Variants in AOAH observed in about 807,000 individuals in gnomAD.
AOAH encodes acyloxyacyl hydrolase (neutrophil).
Under a neutral mutation model 92.2 loss-of-function variants are expected in AOAH, and 64 were observed. That is an observed-to-expected ratio of 0.69 (90% CI 0.57 to 0.86). The LOEUF (loss-of-function observed/expected upper bound fraction) is 0.86. AOAH is among the 40% of genes least tolerant of loss of function. The probability of loss-of-function intolerance (pLI) is 0.00; values close to 1 mark genes in which losing one functional copy is unlikely to be tolerated. For missense variants in AOAH, 656 were observed against 694.6 expected (o/e 0.94, Z 0.62); for synonymous variants, 263 against 254.5 (o/e 1.03, Z -0.32).
intron 11 of AOAH, among the ~76,000 whole-genome samples, chr7:36,604,035 T>C (rs189744229): frequency 6.6e-6 from 1 of 152,274 alleles, no homozygotes; most frequent in Non-Finnish European, 1.5e-5. Context: ...CAAATTTGGG[T>C]CTGGTGAAGG....
chr7:36,692,184 T>TA (rs1253723127), intron 1 of AOAH, among the ~76,000 whole-genome samples: 2 of 152,324 alleles, frequency 1.3e-5, no homozygotes, highest in East Asian at 3.9e-4. Context: ...ATACCACACA[T>TA]AAAATGCACA....
chr7:36,606,084 G>T (rs1232017583), intron 11 of AOAH, among the ~76,000 whole-genome samples: 7 of 152,190 alleles, frequency 4.6e-5, no homozygotes, highest in Admixed American at 2.6e-4. Flanking sequence ...GCACTATAAT[G>T]CTTAGATATT....
At position 36,620,767 on chromosome 7, in the gene AOAH, A is replaced by G; in HGVS notation, c.702+14T>C. ...CAAAGGAGAATGGGGTTCAAGCTGA[A>G]TTTAGTTGCTTACCCAAATGCCATT... On this transcript the variant is annotated intron_variant, in intron 9 of 20. Coordinates refer to ENST00000617537, the MANE Select transcript of AOAH (RefSeq NM_001637.4). 6.2e-7 allele frequency: 1 copy of G among 1,613,420 alleles called. No individual in the cohort carries two copies. Among genetic ancestry groups the G allele is most frequent in the Admixed American group, 1.7e-5 (1 of 59,982 alleles).
chr7:36,602,099 T>G (rs905773396), intron 11 of AOAH, among the ~76,000 whole-genome samples: 1 of 152,190 alleles, frequency 6.6e-6, no homozygotes, highest in Non-Finnish European at 1.5e-5. Flanking sequence ...CTTTCCTCTT[T>G]GACCCTCTGC....
chr7:36,540,586 GCACACACA>G, intron 15 of AOAH, 95 bp from the exon 16 acceptor site: 1 of 1,022,928 alleles, frequency 9.8e-7, no homozygotes, highest in Non-Finnish European at 1.4e-6. Flanking sequence ...ACACACATAC[GCACACACA>G]CACACACAGT....
chr7:36,718,892 AAATGC>A (rs1203380230), intron 1 of AOAH, among the ~76,000 whole-genome samples: 1 of 152,222 alleles, frequency 6.6e-6, no homozygotes, highest in Non-Finnish European at 1.5e-5. Flanking sequence ...TGAATATACT[AAATGC>A]CACTTTTACA....
chr7:36,552,531 G>T (rs904166501), intron 13 of AOAH, among the ~76,000 whole-genome samples: 2 of 152,162 alleles, frequency 1.3e-5, no homozygotes, highest in African/African-American at 4.8e-5. Flanking sequence ...TAATGGGATT[G>T]CTGGGTCAAA....
At chr7:36,641,205 C>A (rs1341838052) in intron 4 of AOAH, among the ~76,000 whole-genome samples, 6 of 152,182 alleles carry the variant, frequency 3.9e-5, no homozygotes, top group African/African-American at 1.4e-4. Flanking sequence ...AGCTTTCAGT[C>A]TTCAAGACTC....
At chr7:36,592,422 C>T (rs1789808622) in intron 12 of AOAH, among the ~76,000 whole-genome samples, 1 of 152,146 alleles carries the variant, frequency 6.6e-6, no homozygotes, top group African/African-American at 2.4e-5. Context: ...TGATGGGTCA[C>T]TGAAATAGTG....
At chr7:36,548,942 G>C (rs1327262854) in intron 14 of AOAH, among the ~76,000 whole-genome samples, 3 of 152,124 alleles carry the variant, frequency 2.0e-5, no homozygotes, top group African/African-American at 4.8e-5. Context: ...TGAGGTCCTG[G>C]GTAAATAGAC....
At chr7:36,586,398 C>T (rs1415186519) in intron 12 of AOAH, among the ~76,000 whole-genome samples, 1 of 152,178 alleles carries the variant, frequency 6.6e-6, no homozygotes, top group Non-Finnish European at 1.5e-5. Context: ...TCACTCTCAG[C>T]TCTCATCTTC....
intron 11 of AOAH, 119 bp from the exon 12 acceptor site, chr7:36,594,549 G>T: frequency 1.2e-6 from 1 of 835,882 alleles, no homozygotes; most frequent in Non-Finnish European, 2.0e-6. Flanking sequence ...TCAATCTCTC[G>T]CTTTAAGGGC....
chr7:36,611,235 C>T (rs1791430240), intron 11 of AOAH, among the ~76,000 whole-genome samples: 1 of 152,108 alleles, frequency 6.6e-6, no homozygotes, highest in Non-Finnish European at 1.5e-5. Context: ...AAACAGGTGA[C>T]AAAATGATGC....
intron 7 of AOAH, among the ~76,000 whole-genome samples, chr7:36,622,184 T>C (rs1475071942): frequency 1.3e-5 from 2 of 152,196 alleles, no homozygotes; most frequent in Non-Finnish European, 2.9e-5. Flanking sequence ...TACACACGTG[T>C]GTTTGTGTGA....
rs199660697 is a variant in AOAH at position 36,576,569 on chromosome 7, C to T, written c.1021+5G>A. The T allele has an allele frequency of 8.9e-5, 136 of 1,526,140 alleles. No individual in the cohort carries two copies. In the African/African-American group the frequency reaches 1.4e-3, roughly 16 times the overall value. 94.5% of individuals were successfully genotyped at this position (1,526,140 alleles called of 1,614,324 possible). A position where few individuals can be genotyped will look rare whatever the true frequency, so the allele number is the denominator to read the frequency against. On this transcript the variant is annotated splice_donor_5th_base_variant and intron_variant, in intron 13 of 20. Coordinates refer to ENST00000617537, the MANE Select transcript of AOAH (RefSeq NM_001637.4). Reference sequence around the variant, plus strand: ...TGATGAAGGCTTAAATGGAAAGTTACGTACCATTTCTTGAAATATTCTGGT... The same window carrying T: ...TGATGAAGGCTTAAATGGAAAGTTATGTACCATTTCTTGAAATATTCTGGT...
At chr7:36,660,304 A>G (rs1173099380) in intron 3 of AOAH, among the ~76,000 whole-genome samples, 2 of 56,358 alleles carry the variant, frequency 3.5e-5, no homozygotes, top group African/African-American at 1.9e-4. Flanking sequence ...TTGGGAACAG[A>G]GTCTTTTGTT....
intron 16 of AOAH, among the ~76,000 whole-genome samples, chr7:36,537,936 C>T (rs2116141569): frequency 6.6e-6 from 1 of 151,916 alleles, no homozygotes; most frequent in Non-Finnish European, 1.5e-5. Context: ...ACAAATCCCC[C>T]AATCATCCTT....
At chr7:36,555,255 G>T (rs1404261668) in intron 13 of AOAH, among the ~76,000 whole-genome samples, 5 of 152,132 alleles carry the variant, frequency 3.3e-5, no homozygotes, top group African/African-American at 1.2e-4. Context: ...TGTGGTTTTT[G>T]TCTTTGGTTC....
chr7:36,649,602 G>A (rs1006095235), intron 4 of AOAH, among the ~76,000 whole-genome samples: 5 of 152,216 alleles, frequency 3.3e-5, no homozygotes, highest in Non-Finnish European at 5.9e-5. Flanking sequence ...GAGGGATAAT[G>A]ATCGGGATGT....
Sources: gnomAD v4.1 joint callset for allele counts (sites outside exome capture counted in the v4.1 genomes callset) on GRCh38, gnomAD v4.1.1 for gene constraint, MANE v1.5 for transcripts, NCBI Gene and HGNC (gene_info 2026-07-23, HGNC 2026-07-21) for gene names.